PITHD1: variants seen among roughly 807,000 people sequenced by gnomAD.
PITHD1 encodes PITH domain-containing protein 1.
A neutral mutation model predicts 27.5 loss-of-function variants in PITHD1; 8 were observed. The observed-to-expected ratio is 0.29, with a 90% confidence interval of 0.17 to 0.52. The LOEUF (loss-of-function observed/expected upper bound fraction) is 0.52. PITHD1 is among the 20% of genes least tolerant of loss of function. PITHD1 has a pLI of 0.96. For missense variants in PITHD1, 233 were observed against 283.9 expected, an observed-to-expected ratio of 0.82 and a Z score of 1.29; for synonymous variants, 118 against 106.8, an observed-to-expected ratio of 1.10 and a Z score of -0.64.
At chr1:23,787,202 A>C (rs1570615157) in intron 5 of PITHD1, 73 bp from the exon 6 acceptor site, 1 of 898,162 alleles carries the variant, frequency 1.1e-6, no homozygotes, top group Non-Finnish European at 1.9e-6. Flanking sequence ...AATAAGGACT[A>C]CCGCAATGTG....
chr1:23,778,451 G>A lies in PITHD1; in HGVS notation c.-65G>A. 8.3e-7 allele frequency: 1 copy of A among 1,205,684 alleles called. No individual in the cohort carries two copies. The highest frequency in any genetic ancestry group is 1.1e-6 in the Non-Finnish European group (1 of 938,678). The allele number at this position is 1,205,684 out of a possible 1,614,324, so 74.7% of individuals were successfully genotyped here. ...GAGCTGAACGGCGCGGAGCTGGTCTGAGGCGAGCCGAGCCGAGCGAGCGCG... is the reference window on the plus strand; with the variant it reads ...GAGCTGAACGGCGCGGAGCTGGTCTAAGGCGAGCCGAGCCGAGCGAGCGCG... On this transcript the variant is annotated 5_prime_UTR_variant, in exon 1 of 6. Transcript: ENST00000246151.
intron 3 of PITHD1, among the ~76,000 whole-genome samples, chr1:23,780,147 A>G (rs1638575412): frequency 6.6e-6 from 1 of 152,210 alleles, no homozygotes; most frequent in South Asian, 2.1e-4. Context: ...TTTAGGCCCA[A>G]CAGCGTGTCT....
chr1:23,782,145 G>A (rs115798549), intron 3 of PITHD1, among the ~76,000 whole-genome samples: 3,091 of 152,224 alleles, frequency 0.02, 101 homozygotes, highest in African/African-American at 0.07. Flanking sequence ...TCAGCCAGGC[G>A]CAGTGGCTTA....
chr1:23,778,442 A>G lies in PITHD1; in HGVS notation c.-74A>G, dbSNP rs1027468822. 1.6e-4 allele frequency: 160 copies of G among 999,936 alleles called. No homozygotes were observed. Among genetic ancestry groups the G allele is most frequent in the Non-Finnish European group, 1.9e-4 (151 of 786,724 alleles). The allele number at this position is 999,936 out of a possible 1,614,324, so 61.9% of individuals were successfully genotyped here. A position where few individuals can be genotyped will look rare whatever the true frequency, so the allele number is the denominator to read the frequency against. On this transcript the variant is annotated 5_prime_UTR_variant, in exon 1 of 6. Transcript: ENST00000246151. ...TAGTTGCCGGAGCTGAACGGCGCGGAGCTGGTCTGAGGCGAGCCGAGCCGA... is the reference window on the plus strand; with the variant it reads ...TAGTTGCCGGAGCTGAACGGCGCGGGGCTGGTCTGAGGCGAGCCGAGCCGA...
chr1:23,780,793 T>C (rs2148399526), intron 3 of PITHD1, among the ~76,000 whole-genome samples: 1 of 151,846 alleles, frequency 6.6e-6, no homozygotes, highest in Admixed American at 6.6e-5. Context: ...GAGAATTGCT[T>C]GAACCTGGGA....
intron 3 of PITHD1, among the ~76,000 whole-genome samples, 186 bp from the exon 4 acceptor site, chr1:23,785,489 T>C (rs1638668660): frequency 6.9e-6 from 1 of 144,292 alleles, no homozygotes; most frequent in South Asian, 2.2e-4. Flanking sequence ...TGAGACTCTG[T>C]CTCAAAAAAA....
At chr1:23,780,819 G>A (rs1272312557) in intron 3 of PITHD1, among the ~76,000 whole-genome samples, 1 of 151,974 alleles carries the variant, frequency 6.6e-6, no homozygotes, top group East Asian at 1.9e-4. Context: ...AGGTTGCAGC[G>A]AGCCGAGATC....
chr1:23,780,997 G>C (rs1283475665), intron 3 of PITHD1, among the ~76,000 whole-genome samples: 3 of 151,896 alleles, frequency 2.0e-5, no homozygotes, highest in Non-Finnish European at 4.4e-5. Context: ...AGACCAGCCT[G>C]ACCAAGATGC....
At chr1:23,780,827 A>G (rs1638585514) in intron 3 of PITHD1, among the ~76,000 whole-genome samples, 1 of 151,782 alleles carries the variant, frequency 6.6e-6, no homozygotes, top group Non-Finnish European at 1.5e-5. Context: ...GCGAGCCGAG[A>G]TCTCGCCACT....
chr1:23,781,751 CCTTAT>C (rs1396250559), intron 3 of PITHD1, among the ~76,000 whole-genome samples: 4 of 152,084 alleles, frequency 2.6e-5, no homozygotes, highest in Admixed American at 2.6e-4. Flanking sequence ...GACTTTGAGA[CCTTAT>C]CTTCTCTATG....
At chr1:23,779,059 A>C (rs1007531172) in intron 1 of PITHD1, among the ~76,000 whole-genome samples, 3 of 152,144 alleles carry the variant, frequency 2.0e-5, no homozygotes, top group African/African-American at 7.2e-5. Flanking sequence ...TAGGGAGATG[A>C]AAGGTGGTTC....
intron 4 of PITHD1, 79 bp downstream of exon 4, chr1:23,785,858 CTT>C: frequency 1.3e-6 from 1 of 776,176 alleles, no homozygotes; most frequent in Non-Finnish European, 2.2e-6. Flanking sequence ...CTCCTGCTCT[CTT>C]AGCATTGGAA....
chr1:23,786,706 C>A (rs1638690221), intron 5 of PITHD1, among the ~76,000 whole-genome samples: 2 of 151,384 alleles, frequency 1.3e-5, no homozygotes, highest in African/African-American at 4.9e-5. Flanking sequence ...TCTCCTGCCT[C>A]AGCCCCCCAA....
At position 23,778,656 on chromosome 1, in the gene PITHD1, C is replaced by G. The variant is rs373015089; in HGVS notation, c.141C>G (p.Arg47=). 5.7e-4 allele frequency: 755 copies of G among 1,324,062 alleles called. 7 individuals carry two copies. The African/African-American group carries it at 0.01, about 18-fold the overall frequency. The allele number at this position is 1,324,062 out of a possible 1,614,324, so 82.0% of individuals were successfully genotyped here. A position where few individuals can be genotyped will look rare whatever the true frequency, so the allele number is the denominator to read the frequency against. ...LERLQCLNES[R]EGSGRGVFKP... ...GGCTGCAATGCCTTAACGAGAGCCGCGAGGGCAGCGGCCGCGGCGTCTTCA... is the reference window on the plus strand; with the variant it reads ...GGCTGCAATGCCTTAACGAGAGCCGGGAGGGCAGCGGCCGCGGCGTCTTCA... The change falls in exon 1 of 6, where the codon CGC becomes CGG. Residue 47 remains arginine, a synonymous_variant. Coordinates refer to ENST00000246151, the MANE Select transcript of PITHD1 (RefSeq NM_020362.5).
chr1:23,778,755 G>A, intron 1 of PITHD1, 42 bp downstream of exon 1: 2 of 1,137,946 alleles, frequency 1.8e-6, no homozygotes, highest in Non-Finnish European at 2.2e-6. Context: ...CAGGGTGCGT[G>A]TGGGGCCTCG....
Position 23,779,910 on chromosome 1 carries a change from G to C in PITHD1, c.289G>C (p.Asp97His), listed in dbSNP as rs145697009. 7 of 1,613,156 alleles carry C rather than the reference G, an allele frequency of 4.3e-6. No homozygotes were observed. In the African/African-American group the frequency reaches 8.0e-5, roughly 18 times the overall value. The change falls in exon 3 of 6, where the codon GAT becomes CAT. Residue 97 changes from aspartate (D) to histidine (H), a missense_variant. Physicochemically the swap from Asp to His is moderately conservative, Grantham distance 81. Transcript: ENST00000246151. Reference protein sequence around the residue: ...KLKGIIIMGEDDDSHPSEMRL... With the variant: ...KLKGIIIMGEHDDSHPSEMRL... ...CAAAGGCATCATTATAATGGGAGAG[G>C]ATGATGACTCACACCCCTCTGAGAT...
In PITHD1 at chr1:23,787,499, T is replaced by G. The variant is rs894303438; in HGVS notation, c.*123T>G. ...GCCACAGCCTCTGCCAAGCTTTGTC[T>G]TTGGGGCTTGCTGCAGAAACCTGGC... On this transcript the variant is annotated 3_prime_UTR_variant, in exon 6 of 6. Coordinates refer to ENST00000246151, the MANE Select transcript of PITHD1 (RefSeq NM_020362.5). 1 of 606,544 alleles carries G rather than the reference T, an allele frequency of 1.6e-6. No homozygotes were observed. The highest frequency in any genetic ancestry group is 3.0e-6 in the Non-Finnish European group (1 of 336,468). The allele number at this position is 606,544 out of a possible 1,614,324, so 37.6% of individuals were successfully genotyped here.
intron 3 of PITHD1, among the ~76,000 whole-genome samples, chr1:23,783,279 A>G (rs188302670): frequency 2.7e-5 from 4 of 150,604 alleles, no homozygotes; most frequent in Middle Eastern, 3.5e-3. Flanking sequence ...TCACAGGCAC[A>G]TGTGTGTATA....
At chr1:23,779,527 C>T (rs757361755) in intron 2 of PITHD1, 46 bp downstream of exon 2, 17 of 1,397,712 alleles carry the variant, frequency 1.2e-5, no homozygotes, top group Non-Finnish European at 1.6e-5. Flanking sequence ...AGGCTGTACC[C>T]AGTTGCCTCA....
Sources: allele counts gnomAD v4.1 joint callset (sites outside exome capture counted in the v4.1 genomes callset), GRCh38; gene constraint gnomAD v4.1.1; transcripts MANE v1.5; gene names NCBI Gene and HGNC (gene_info 2026-07-23, HGNC 2026-07-21).